The following NAALADL2 variants were observed in gnomAD, a reference collection of about 807,000 sequenced individuals.
NAALADL2 encodes the protein inactive N-acetylated-alpha-linked acidic dipeptidase-like protein 2.
Under a neutral mutation model 87.2 loss-of-function variants are expected in NAALADL2, and 76 were observed. That is an observed-to-expected ratio of 0.87 (90% CI 0.72 to 1.05). The LOEUF (loss-of-function observed/expected upper bound fraction) is 1.05. Among genes scored for constraint, NAALADL2 ranks in the 50% least tolerant of loss-of-function variants. NAALADL2 has a pLI of 0.00. For missense variants in NAALADL2, 1,089 were observed against 945.8 expected, an observed-to-expected ratio of 1.15 and a Z score of -1.99; for synonymous variants, 354 against 331.0, an observed-to-expected ratio of 1.07 and a Z score of -0.75.
At chr3:175,769,015 C>T (rs1004315403) in intron 13 of NAALADL2, among the ~76,000 whole-genome samples, 6 of 152,106 alleles carry the variant, frequency 3.9e-5, no homozygotes, top group Non-Finnish European at 7.4e-5. Flanking sequence ...TGCTATTACT[C>T]CTATCTAGAC....
intron 3 of NAALADL2, among the ~76,000 whole-genome samples, chr3:174,797,305 C>CTTTTT (rs1160338109): frequency 2.0e-3 from 143 of 72,722 alleles, no homozygotes; most frequent in Non-Finnish European, 2.6e-3. Context: ...TTTCTTTTTT[C>CTTTTT]TTTTTTTTTT....
At chr3:174,625,958 GC>G (rs1396026486) in intron 2 of NAALADL2, among the ~76,000 whole-genome samples, 2 of 151,772 alleles carry the variant, frequency 1.3e-5, no homozygotes, top group African/African-American at 4.8e-5. Context: ...TATCATTTAT[GC>G]TTTTACATAG....
At chr3:175,033,132 TG>T in intron 1 of NAALADL2, among the ~76,000 whole-genome samples, 1 of 151,960 alleles carries the variant, frequency 6.6e-6, no homozygotes, top group Middle Eastern at 3.4e-3. Context: ...AGGTTGGTGG[TG>T]GGGAGGGGTC....
chr3:175,134,699 A>AT (rs1310811210), intron 2 of NAALADL2, among the ~76,000 whole-genome samples: 1 of 152,172 alleles, frequency 6.6e-6, no homozygotes, highest in East Asian at 1.9e-4. Context: ...AGTAAGGGAG[A>AT]TAAAGTATGA....
chr3:174,952,625 T>A (rs147171641), intron 1 of NAALADL2, among the ~76,000 whole-genome samples: 1 of 152,098 alleles, frequency 6.6e-6, no homozygotes, highest in African/African-American at 2.4e-5. Flanking sequence ...AATATTGGAC[T>A]GAAACATGGT....
At chr3:175,772,640 G>A (rs1238841274) in intron 13 of NAALADL2, among the ~76,000 whole-genome samples, 1 of 152,164 alleles carries the variant, frequency 6.6e-6, no homozygotes, top group Admixed American at 6.5e-5. Context: ...CTGGGGTCCA[G>A]TTACACAGGG....
chr3:174,713,802 G>T (rs201117582), intron 2 of NAALADL2, among the ~76,000 whole-genome samples: 41,568 of 150,678 alleles, frequency 0.28, 6,054 homozygotes, highest in East Asian at 0.41. Context: ...CTCTTTAGTT[G>T]AATTAGATCC....
At chr3:175,548,222 TA>T (rs1713717760) in intron 9 of NAALADL2, among the ~76,000 whole-genome samples, 3 of 152,016 alleles carry the variant, frequency 2.0e-5, no homozygotes, top group African/African-American at 7.2e-5. Context: ...TATGCAGCCA[TA>T]AAAAACAATG....
chr3:174,488,923 G>A (rs574427787), intron 1 of NAALADL2, among the ~76,000 whole-genome samples: 137 of 151,950 alleles, frequency 9.0e-4, no homozygotes, highest in Non-Finnish European at 1.6e-3. Context: ...GTCATAAAAC[G>A]GCTTATAAAC....
At chr3:174,717,945 G>A (rs1442865458) in intron 2 of NAALADL2, among the ~76,000 whole-genome samples, 1 of 152,190 alleles carries the variant, frequency 6.6e-6, no homozygotes, top group South Asian at 2.1e-4. Flanking sequence ...GACCAACATG[G>A]TGAAACCCCC....
intron 11 of NAALADL2, among the ~76,000 whole-genome samples, chr3:175,728,711 A>C (rs991886109): frequency 2.0e-5 from 3 of 152,214 alleles, no homozygotes; most frequent in South Asian, 2.1e-4. Flanking sequence ...TTGCCAGGCT[A>C]TGATTTATCA....
chr3:175,355,022 A>ATATGTGTGTG (rs1230276546), intron 5 of NAALADL2, among the ~76,000 whole-genome samples: 1 of 139,436 alleles, frequency 7.2e-6, no homozygotes, highest in African/African-American at 2.8e-5. Flanking sequence ...CTATATATAT[A>ATATGTGTGTG]TGTGTGTGTG....
intron 2 of NAALADL2, among the ~76,000 whole-genome samples, chr3:174,726,089 T>C (rs1240921518): frequency 6.6e-6 from 1 of 152,178 alleles, no homozygotes; most frequent in Non-Finnish European, 1.5e-5. Context: ...CCATTAAGTC[T>C]GTGATGGTTT....
intron 11 of NAALADL2, among the ~76,000 whole-genome samples, chr3:175,632,778 A>C (rs1375252163): frequency 6.6e-6 from 1 of 152,124 alleles, no homozygotes; most frequent in East Asian, 1.9e-4. Context: ...ACCTAGTCAG[A>C]TACATCAAGG....
chr3:174,621,997 C>A (rs1022375940), intron 2 of NAALADL2, among the ~76,000 whole-genome samples: 1 of 152,084 alleles, frequency 6.6e-6, no homozygotes, highest in Non-Finnish European at 1.5e-5. Flanking sequence ...AAGCTCTAGC[C>A]ATCACACTCA....
At chr3:175,684,514 G>A (rs1383225063) in intron 11 of NAALADL2, among the ~76,000 whole-genome samples, 1 of 152,002 alleles carries the variant, frequency 6.6e-6, no homozygotes, top group Non-Finnish European at 1.5e-5. Context: ...TTATGTTTAG[G>A]CCCAACACAG....
intron 11 of NAALADL2, among the ~76,000 whole-genome samples, chr3:175,695,195 G>A (rs1737590631): frequency 6.6e-6 from 1 of 151,926 alleles, no homozygotes; most frequent in African/African-American, 2.4e-5. Flanking sequence ...GATTCTTTCA[G>A]GCATAGAATA....
chr3:175,295,993 G>A (rs1756312017), intron 4 of NAALADL2, among the ~76,000 whole-genome samples: 1 of 151,872 alleles, frequency 6.6e-6, no homozygotes, highest in African/African-American at 2.4e-5. Context: ...GTTCTTGGTG[G>A]CCAAAAAAGT....
At chr3:175,191,155 ATG>A (rs1738135674) in intron 2 of NAALADL2, among the ~76,000 whole-genome samples, 1 of 152,146 alleles carries the variant, frequency 6.6e-6, no homozygotes. Context: ...AGGGCTAACT[ATG>A]TGAGATGATG....
Sources: allele counts gnomAD v4.1 joint callset (sites outside exome capture counted in the v4.1 genomes callset), GRCh38; gene constraint gnomAD v4.1.1; transcripts MANE v1.5; gene names NCBI Gene and HGNC (gene_info 2026-07-23, HGNC 2026-07-21).